The following VRK1 variants were observed in gnomAD, a reference collection of about 807,000 sequenced individuals.
VRK1 encodes VRK serine/threonine kinase 1, also known as serine/threonine-protein kinase VRK1.
In VRK1, 33 loss-of-function variants were observed where a neutral mutation model predicts 57.1. The ratio of observed to expected loss-of-function variants is 0.58; its 90% CI spans 0.44 to 0.77. VRK1 has a LOEUF of 0.77. Among genes scored for constraint, VRK1 ranks in the 30% least tolerant of loss-of-function variants. The pLI is 0.00. For missense variants in VRK1, 413 were observed against 477.3 expected, an observed-to-expected ratio of 0.87 and a Z score of 1.25; for synonymous variants, 137 against 147.8, an observed-to-expected ratio of 0.93 and a Z score of 0.53.
At chr14:96,876,193 G>T (rs891321549) in intron 12 of VRK1, 73 bp downstream of exon 12, 2 of 1,415,680 alleles carry the variant, frequency 1.4e-6, no homozygotes, top group Non-Finnish European at 2.0e-6. Context: ...TAGATGAGGG[G>T]TCAACTATTT....
intron 1 of VRK1, among the ~76,000 whole-genome samples, chr14:96,825,968 T>C (rs1886785754): frequency 6.6e-6 from 1 of 152,014 alleles, no homozygotes; most frequent in Non-Finnish European, 1.5e-5. Flanking sequence ...AGTTTGTGTA[T>C]GATGAATTCA....
intron 1 of VRK1, among the ~76,000 whole-genome samples, chr14:96,804,988 G>T: frequency 6.6e-6 from 1 of 152,214 alleles, no homozygotes; most frequent in Non-Finnish European, 1.5e-5. Flanking sequence ...TTGGCTCATT[G>T]TTGATGTGGG....
At chr14:96,804,829 CCTAGTATTTT>C (rs1356556130) in intron 1 of VRK1, among the ~76,000 whole-genome samples, 2 of 152,152 alleles carry the variant, frequency 1.3e-5, no homozygotes, top group African/African-American at 4.8e-5. Flanking sequence ...GTTATAAATT[CCTAGTATTTT>C]CTAGAAGGCA....
At chr14:96,817,436 C>T (rs1300411628) in intron 1 of VRK1, among the ~76,000 whole-genome samples, 9 of 151,208 alleles carry the variant, frequency 6.0e-5, no homozygotes, top group Admixed American at 1.3e-4. Context: ...TTATGGCTTG[C>T]GTGTTTTGTG....
At chr14:96,806,487 G>T (rs1490777966) in intron 1 of VRK1, among the ~76,000 whole-genome samples, 1 of 152,176 alleles carries the variant, frequency 6.6e-6, no homozygotes, top group Non-Finnish European at 1.5e-5. Context: ...GAGTGTGAAA[G>T]CTTTGAAAGT....
rs555996590 is a variant in VRK1 at position 96,806,913 on chromosome 14, A to C, written c.-6+9466A>C. ...GCGATCATAGCTCACTGCCACCTTG[A>C]TTTCCTGGGAGCAAATGATCCTCCT... On this transcript the variant is annotated intron_variant, in intron 1 of 12. Transcript: ENST00000216639. 4.2e-5 allele frequency among the ~76,000 whole-genome samples: 6 copies of C among 143,344 alleles called. No homozygotes were observed. The Admixed American group carries it at 4.5e-4, about 11-fold the overall frequency. 94.0% of individuals were successfully genotyped at this position (143,344 alleles called of 152,430 possible).
At chr14:96,827,504 C>G (rs1192502541) in intron 1 of VRK1, among the ~76,000 whole-genome samples, 2 of 152,086 alleles carry the variant, frequency 1.3e-5, no homozygotes, top group African/African-American at 4.8e-5. Flanking sequence ...ACCAGTATCT[C>G]GTGGGCAGCA....
intron 10 of VRK1, among the ~76,000 whole-genome samples, chr14:96,858,733 A>G (rs549512707): frequency 3.3e-5 from 5 of 151,998 alleles, no homozygotes; most frequent in Admixed American, 6.5e-5. Flanking sequence ...TCTTTTTTCA[A>G]TTGTCCTTTT....
At chr14:96,828,017 G>C (rs185403130) in intron 1 of VRK1, among the ~76,000 whole-genome samples, 8 of 152,278 alleles carry the variant, frequency 5.3e-5, no homozygotes, top group Non-Finnish European at 1.0e-4. Flanking sequence ...GATATCTGCT[G>C]TTTGACTTGT....
chr14:96,851,614 C>A (rs1887953386), intron 5 of VRK1, among the ~76,000 whole-genome samples: 1 of 152,200 alleles, frequency 6.6e-6, no homozygotes, highest in Admixed American at 6.5e-5. Flanking sequence ...TTAGTCAACT[C>A]TTCCTTCCCT....
At chr14:96,837,008 T>C (rs934779862) in intron 2 of VRK1, among the ~76,000 whole-genome samples, 9 of 152,188 alleles carry the variant, frequency 5.9e-5, no homozygotes, top group African/African-American at 2.2e-4. Context: ...CTATAGCACT[T>C]CACACTGTCA....
chr14:96,834,388 A>C (rs186721356), intron 2 of VRK1, among the ~76,000 whole-genome samples: 11 of 152,162 alleles, frequency 7.2e-5, no homozygotes, highest in African/African-American at 2.7e-4. Flanking sequence ...TAATAATACG[A>C]CATAGATTAG....
At chr14:96,838,190 T>C (rs1052257433) in intron 3 of VRK1, among the ~76,000 whole-genome samples, 6 of 152,002 alleles carry the variant, frequency 3.9e-5, no homozygotes, top group African/African-American at 9.6e-5. Context: ...ATTTTGCATT[T>C]GCTTCTGGAC....
chr14:96,837,732 T>A, intron 2 of VRK1, 30 bp from the exon 3 acceptor site: 1 of 1,449,724 alleles, frequency 6.9e-7, no homozygotes, highest in Non-Finnish European at 9.4e-7. Flanking sequence ...TTACTTGTTC[T>A]GATATCAAAT....
At chr14:96,814,490 TA>T (rs1394648618) in intron 1 of VRK1, among the ~76,000 whole-genome samples, 2 of 152,144 alleles carry the variant, frequency 1.3e-5, no homozygotes, top group Admixed American at 6.5e-5. Context: ...GAAGAATTCT[TA>T]AAAAATACCT....
At chr14:96,808,707 AG>A (rs1886023376) in intron 1 of VRK1, among the ~76,000 whole-genome samples, 1 of 141,964 alleles carries the variant, frequency 7.0e-6, no homozygotes, top group Admixed American at 7.3e-5. Flanking sequence ...GTTGTGTCTG[AG>A]ATTCATTCAT....
intron 5 of VRK1, among the ~76,000 whole-genome samples, chr14:96,851,586 A>G (rs12433112): frequency 0.34 from 51,326 of 152,120 alleles, 10,148 homozygotes; most frequent in East Asian, 0.84. Context: ...TACTTGTTCA[A>G]CATCTTGTCT....
chr14:96,881,152 TC>T, intron 12 of VRK1, 24 bp from the exon 13 acceptor site: 1 of 1,594,408 alleles, frequency 6.3e-7, no homozygotes, highest in Non-Finnish European at 8.6e-7. Flanking sequence ...ACTAGTGATT[TC>T]AGTTTCTTTG....
At chr14:96,834,247 A>G (rs1227460860) in intron 2 of VRK1, among the ~76,000 whole-genome samples, 1 of 152,186 alleles carries the variant, frequency 6.6e-6, no homozygotes, top group African/African-American at 2.4e-5. Context: ...ACCAATAAAT[A>G]TATTTGCTTC....
Sources: gnomAD v4.1 joint callset for allele counts (sites outside exome capture counted in the v4.1 genomes callset) on GRCh38, gnomAD v4.1.1 for gene constraint, MANE v1.5 for transcripts, NCBI Gene and HGNC (gene_info 2026-07-23, HGNC 2026-07-21) for gene names.